Variants in KSR2 observed in about 807,000 individuals in gnomAD.
KSR2 encodes the protein kinase suppressor of ras 2.
A neutral mutation model predicts 107.8 loss-of-function variants in KSR2; 25 were observed. The observed-to-expected ratio is 0.23, with a 90% CI of 0.17 to 0.32. The LOEUF (loss-of-function observed/expected upper bound fraction) is 0.32, where lower values mean the gene tolerates loss of function less well. KSR2 is among the 10% of genes least tolerant of loss of function. The pLI is 1.00. For missense variants in KSR2, 887 were observed against 1,268.9 expected (o/e 0.70, Z 4.57); for synonymous variants, 480 against 507.0 (o/e 0.95, Z 0.71).
chr12:117,965,312 A>G (rs1442956498), intron 1 of KSR2, among the ~76,000 whole-genome samples: 1 of 152,228 alleles, frequency 6.6e-6, no homozygotes, highest in African/African-American at 2.4e-5. Flanking sequence ...TGAAGCAGCT[A>G]TATGTCTCCA....
At chr12:117,814,218 T>C (rs1891294288) in intron 3 of KSR2, among the ~76,000 whole-genome samples, 1 of 152,106 alleles carries the variant, frequency 6.6e-6, no homozygotes, top group African/African-American at 2.4e-5. Context: ...TGACTACAGT[T>C]AACAATAATA....
intron 14 of KSR2, among the ~76,000 whole-genome samples, chr12:117,521,308 C>A (rs1874744343): frequency 6.6e-6 from 1 of 152,196 alleles, no homozygotes; most frequent in South Asian, 2.1e-4. Flanking sequence ...TCAGAGTTGG[C>A]AGGACACTGC....
At chr12:117,601,123 T>C (rs903745990) in intron 5 of KSR2, among the ~76,000 whole-genome samples, 1 of 152,138 alleles carries the variant, frequency 6.6e-6, no homozygotes, top group African/African-American at 2.4e-5. Flanking sequence ...CTATAAAACT[T>C]TGGGCAAGTT....
intron 5 of KSR2, among the ~76,000 whole-genome samples, chr12:117,661,158 C>T (rs1212622410): frequency 6.6e-6 from 1 of 152,196 alleles, no homozygotes; most frequent in Non-Finnish European, 1.5e-5. Flanking sequence ...CTGACCCCTC[C>T]TCTTCAAAGA....
chr12:117,908,827 C>T (rs1343395324), intron 1 of KSR2, among the ~76,000 whole-genome samples: 1 of 152,152 alleles, frequency 6.6e-6, no homozygotes, highest in East Asian at 1.9e-4. Context: ...GCAGGATGTT[C>T]TCTTGAGTTA....
intron 16 of KSR2, among the ~76,000 whole-genome samples, chr12:117,481,247 C>A (rs1872157763): frequency 6.6e-6 from 1 of 152,148 alleles, no homozygotes; most frequent in Non-Finnish European, 1.5e-5. Flanking sequence ...TGGAATCTAT[C>A]TCAAGGTATT....
intron 4 of KSR2, among the ~76,000 whole-genome samples, chr12:117,706,110 C>A (rs980205546): frequency 7.1e-6 from 1 of 140,850 alleles, no homozygotes; most frequent in Non-Finnish European, 1.5e-5. Context: ...GTGGTGCAAT[C>A]TCGGCTCACT....
chr12:117,496,924 C>T (rs1379654234), intron 14 of KSR2, among the ~76,000 whole-genome samples: 1 of 151,528 alleles, frequency 6.6e-6, no homozygotes, highest in African/African-American at 2.4e-5. Flanking sequence ...AATCTCAGCT[C>T]ACTGAAACCT....
intron 5 of KSR2, among the ~76,000 whole-genome samples, chr12:117,590,308 G>C (rs1880245847): frequency 6.6e-6 from 1 of 152,216 alleles, no homozygotes; most frequent in Non-Finnish European, 1.5e-5. Context: ...AGGGCCTCAA[G>C]GGCAATCAAC....
chr12:117,926,170 C>T (rs941735419), intron 1 of KSR2, among the ~76,000 whole-genome samples: 24 of 152,118 alleles, frequency 1.6e-4, no homozygotes, highest in African/African-American at 5.8e-4. Context: ...GCAATTCCAG[C>T]GTATGTGATA....
chr12:117,918,052 C>T lies in KSR2; in HGVS notation c.180+50024G>A, dbSNP rs75580764. 3.7e-3 allele frequency among the ~76,000 whole-genome samples: 566 copies of T among 152,294 alleles called. 24 individuals carry two copies. The East Asian group carries it at 0.086, about 23-fold the overall frequency. ...ATCTCTAACTCCCCACCTCCCACTG[C>T]TTATTTCCTCAGACTGAGGTCATGG... On this transcript the variant is annotated intron_variant, in intron 1 of 19. Coordinates refer to ENST00000339824, the MANE Select transcript of KSR2 (RefSeq NM_173598.6).
chr12:117,602,138 A>G (rs1252836547), intron 5 of KSR2, among the ~76,000 whole-genome samples: 1 of 152,090 alleles, frequency 6.6e-6, no homozygotes, highest in East Asian at 1.9e-4. Flanking sequence ...CTTTTTTTCC[A>G]CTTACTTAAA....
At chr12:117,839,129 C>T (rs1175860370) in intron 3 of KSR2, among the ~76,000 whole-genome samples, 1 of 152,206 alleles carries the variant, frequency 6.6e-6, no homozygotes, top group Non-Finnish European at 1.5e-5. Flanking sequence ...ATTCCTGATA[C>T]ACAGACAGAA....
At chr12:117,952,844 G>A (rs1359861040) in intron 1 of KSR2, among the ~76,000 whole-genome samples, 1 of 152,024 alleles carries the variant, frequency 6.6e-6, no homozygotes, top group African/African-American at 2.4e-5. Context: ...AATTAGCTGG[G>A]CGTGGTGGCG....
chr12:117,709,186 G>T (rs1347004899), intron 4 of KSR2, among the ~76,000 whole-genome samples: 2 of 152,040 alleles, frequency 1.3e-5, no homozygotes, highest in Non-Finnish European at 2.9e-5. Context: ...AGCTGTTATT[G>T]TTCCTCTCAC....
chr12:117,955,867 G>A (rs190295175), intron 1 of KSR2, among the ~76,000 whole-genome samples: 1 of 138,340 alleles, frequency 7.2e-6, no homozygotes. Context: ...AAAAAAAAAA[G>A]GAAAGTACAT....
chr12:117,656,962 G>GTATA (rs1884189265), intron 5 of KSR2, among the ~76,000 whole-genome samples: 1 of 64,510 alleles, frequency 1.6e-5, no homozygotes, highest in Non-Finnish European at 2.6e-5. Context: ...ATATATAATA[G>GTATA]GATATATATA....
chr12:117,866,813 G>A (rs997271225), intron 1 of KSR2, among the ~76,000 whole-genome samples: 2 of 149,946 alleles, frequency 1.3e-5, no homozygotes, highest in African/African-American at 5.0e-5. Context: ...TGGGCAACAA[G>A]AGCAATACTC....
chr12:117,737,358 T>G (rs990146558), intron 4 of KSR2, among the ~76,000 whole-genome samples: 1 of 114,022 alleles, frequency 8.8e-6, no homozygotes, highest in Admixed American at 1.1e-4. Context: ...GGCAGCACAC[T>G]GCATTTTTTT....
Sources: allele counts gnomAD v4.1 joint callset (sites outside exome capture counted in the v4.1 genomes callset), GRCh38; gene constraint gnomAD v4.1.1; transcripts MANE v1.5; gene names NCBI Gene and HGNC (gene_info 2026-07-23, HGNC 2026-07-21).